The following DEFB124 variants were observed in gnomAD, a reference collection of about 807,000 sequenced individuals.
DEFB124 encodes the protein defensin beta 124.
For synonymous variants in DEFB124, 38 were observed against 36.5 expected (o/e 1.04, Z -0.15); for missense variants, 78 against 83.1 (o/e 0.94, Z 0.24).
chr20:31,467,326 G>A (rs1980108932), intron 2 of DEFB124, among the ~76,000 whole-genome samples: 1 of 152,182 alleles, frequency 6.6e-6, no homozygotes, highest in Non-Finnish European at 1.5e-5. Context: ...GAGAATCTTA[G>A]AATGATACAG....
chr20:31,473,238 G>A, intron 1 of DEFB124, among the ~76,000 whole-genome samples, 200 bp from the exon 2 acceptor site: 1 of 152,278 alleles, frequency 6.6e-6, no homozygotes, highest in South Asian at 2.1e-4. Flanking sequence ...AGCCTGTTGA[G>A]CTCGGAAGGG....
At position 31,467,337 on chromosome 20, in the gene DEFB124, T is replaced by A. The variant is rs78784710; in HGVS notation, c.59-1674A>T. Reference sequence around the variant, plus strand: ...GGTAGAGAATCTTAGAATGATACAGTGCTGGCCTCAAAATCTCCATGAGGC... The same window carrying A: ...GGTAGAGAATCTTAGAATGATACAGAGCTGGCCTCAAAATCTCCATGAGGC... On this transcript the variant is annotated intron_variant, in intron 2 of 2. Coordinates refer to ENST00000317676, the MANE Select transcript of DEFB124 (RefSeq NM_001037500.2). Among the ~76,000 whole-genome samples the A allele has an allele frequency of 2.0e-4, 30 of 152,316 alleles. No homozygotes were observed. In the East Asian group the frequency reaches 5.6e-3, roughly 28 times the overall value.
chr20:31,468,487 T>G (rs1980138281), intron 2 of DEFB124, among the ~76,000 whole-genome samples: 1 of 151,894 alleles, frequency 6.6e-6, no homozygotes. Flanking sequence ...TTTCTATTTT[T>G]TTTTTTTAAG....
In DEFB124 at chr20:31,465,491, G is replaced by A. The variant is rs760756524; in HGVS notation, c.*15C>T. 36 of 1,613,682 alleles carry A rather than the reference G, an allele frequency of 2.2e-5. No homozygotes were observed. The highest frequency in any genetic ancestry group is 2.7e-5 in the Non-Finnish European group (32 of 1,179,794). ...ACAACTGGCAACCTGTGTTTTATTG[G>A]ACAGCAGGAACCAGCTACTCATATT... On this transcript the variant is annotated 3_prime_UTR_variant, in exon 3 of 3. Transcript: ENST00000317676.
intron 2 of DEFB124, among the ~76,000 whole-genome samples, 168 bp from the exon 3 acceptor site, chr20:31,465,831 C>T (rs562708890): frequency 2.6e-5 from 4 of 152,166 alleles, no homozygotes; most frequent in Non-Finnish European, 5.9e-5. Context: ...TTAGGTTAGA[C>T]CACATGTCAT....
At chr20:31,470,212 C>A (rs1431499033) in intron 2 of DEFB124, among the ~76,000 whole-genome samples, 2 of 145,604 alleles carry the variant, frequency 1.4e-5, no homozygotes, top group Non-Finnish European at 3.0e-5. Context: ...GGGCTGACCC[C>A]CCCACCTCCC....
intron 1 of DEFB124, among the ~76,000 whole-genome samples, chr20:31,473,430 A>G (rs1980389380): frequency 6.6e-6 from 1 of 152,184 alleles, no homozygotes; most frequent in Non-Finnish European, 1.5e-5. Flanking sequence ...TGTCTATGAA[A>G]TGATGACAAG....
At chr20:31,470,803 C>A (rs1980251206) in intron 2 of DEFB124, among the ~76,000 whole-genome samples, 1 of 137,226 alleles carries the variant, frequency 7.3e-6, no homozygotes, top group African/African-American at 2.7e-5. Flanking sequence ...CCCTCACCTC[C>A]CGGACGGGGC....
At chr20:31,470,579 C>T (rs1315311775) in intron 2 of DEFB124, among the ~76,000 whole-genome samples, 1 of 130,250 alleles carries the variant, frequency 7.7e-6, no homozygotes, top group Non-Finnish European at 1.6e-5. Flanking sequence ...CCATCCCGGA[C>T]GGGGCGGCTG....
Position 31,465,570 on chromosome 20 carries a change from G to A in DEFB124, c.152C>T (p.Ala51Val), listed in dbSNP as rs748541173. 19 of 1,614,188 alleles carry A rather than the reference G, an allele frequency of 1.2e-5. No individual in the cohort carries two copies. The highest frequency in any genetic ancestry group is 1.6e-5 in the Non-Finnish European group (19 of 1,180,040). ...QETYMHLCPDASLCCLSYALK... is the reference protein window; with the variant it reads ...QETYMHLCPDVSLCCLSYALK... Reference sequence around the variant, plus strand: ...TGCATAGGAGAGACAGCACAGGGACGCATCCGGGCACAGGTGCATGTAAGT... The same window carrying A: ...TGCATAGGAGAGACAGCACAGGGACACATCCGGGCACAGGTGCATGTAAGT... Residue 51 changes from alanine (A) to valine (V), a missense_variant, in exon 3 of 3, where the codon GCG becomes GTG. By Grantham distance (64) the Ala-to-Val change is moderately conservative (BLOSUM62 0). Coordinates refer to ENST00000317676, the MANE Select transcript of DEFB124 (RefSeq NM_001037500.2).
At chr20:31,471,544 A>T (rs1980308635) in intron 2 of DEFB124, among the ~76,000 whole-genome samples, 1 of 132,346 alleles carries the variant, frequency 7.6e-6, no homozygotes, top group Admixed American at 7.4e-5. Flanking sequence ...CAGGAGGCTG[A>T]TCCCCCCACC....
At chr20:31,471,901 C>G (rs1382948478) in intron 2 of DEFB124, among the ~76,000 whole-genome samples, 3 of 150,934 alleles carry the variant, frequency 2.0e-5, no homozygotes, top group South Asian at 4.2e-4. Context: ...GGGGCAGAGA[C>G]GCTCCTCACT....
chr20:31,473,138 A>AC, intron 1 of DEFB124, 100 bp from the exon 2 acceptor site: 2 of 1,086,400 alleles, frequency 1.8e-6, no homozygotes, highest in Non-Finnish European at 2.7e-6. Flanking sequence ...TGTGGGCAGC[A>AC]GGCCTAAGTG....
chr20:31,471,559 T>G (rs1478229766), intron 2 of DEFB124, among the ~76,000 whole-genome samples: 1 of 140,700 alleles, frequency 7.1e-6, no homozygotes, highest in Non-Finnish European at 1.5e-5. Flanking sequence ...CCCACCTCCC[T>G]CCCGGACGGG....
intron 2 of DEFB124, among the ~76,000 whole-genome samples, chr20:31,465,909 C>T (rs976707811): frequency 5.9e-5 from 9 of 152,352 alleles, no homozygotes; most frequent in Middle Eastern, 3.4e-3. Context: ...GTAATCCCAG[C>T]ACTTTGGGAG....
rs1053217964 is a variant in DEFB124, at chr20:31,474,948, G to A, written c.-347C>T. On this transcript the variant is annotated 5_prime_UTR_variant, in exon 1 of 3. Transcript: ENST00000317676. ...GTGGAATCCGCCTCTCTTGGAAGGC[G>A]GGACCTGAAAATTTAGCAAGTTCCC... 1.3e-5 allele frequency among the ~76,000 whole-genome samples: 2 copies of A among 152,170 alleles called. No homozygotes were observed. Among genetic ancestry groups the A allele is most frequent in the African/African-American group, 2.4e-5 (1 of 41,444 alleles).
At chr20:31,470,197 G>A (rs1980201290) in intron 2 of DEFB124, among the ~76,000 whole-genome samples, 1 of 145,290 alleles carries the variant, frequency 6.9e-6, no homozygotes, top group Non-Finnish European at 1.5e-5. Flanking sequence ...GGCTGGCCGG[G>A]CGGGGGGCTG....
At chr20:31,470,378 G>A (rs1600567306) in intron 2 of DEFB124, among the ~76,000 whole-genome samples, 1 of 141,704 alleles carries the variant, frequency 7.1e-6, no homozygotes, top group Non-Finnish European at 1.6e-5. Flanking sequence ...GCCGGGCGGG[G>A]GGCTGACCCC....
At chr20:31,471,364 A>C (rs1364977023) in intron 2 of DEFB124, among the ~76,000 whole-genome samples, 2 of 17,456 alleles carry the variant, frequency 1.1e-4, no homozygotes, top group Non-Finnish European at 2.2e-4. Context: ...GCGGGGGCTG[A>C]CCCCCCCACC....
Sources: gnomAD v4.1 joint callset for allele counts (sites outside exome capture counted in the v4.1 genomes callset) on GRCh38, gnomAD v4.1.1 for gene constraint, MANE v1.5 for transcripts, NCBI Gene and HGNC (gene_info 2026-07-23, HGNC 2026-07-21) for gene names.